Variants in SLC16A7 observed in about 807,000 individuals in gnomAD.
SLC16A7 encodes the protein solute carrier family 16 member 7, also known as monocarboxylate transporter 2.
Under a neutral mutation model 34.9 loss-of-function variants are expected in SLC16A7, and 33 were observed. The ratio of observed to expected loss-of-function variants is 0.94; its 90% confidence interval spans 0.72 to 1.26. The LOEUF is 1.26. SLC16A7 is among the 50% of genes most tolerant of loss of function. The pLI, the probability that SLC16A7 is intolerant of heterozygous loss-of-function variation, is 0.00. For synonymous variants in SLC16A7, 201 were observed against 206.6 expected, an observed-to-expected ratio of 0.97 and a Z score of 0.23; for missense variants, 573 against 578.1, an observed-to-expected ratio of 0.99 and a Z score of 0.09.
chr12:59,596,891 G>C lies in SLC16A7; in HGVS notation c.-130+655G>C, dbSNP rs956321241. 6.6e-6 allele frequency among the ~76,000 whole-genome samples: 1 copy of C among 152,160 alleles called. No homozygotes were observed. The highest frequency in any genetic ancestry group is 2.4e-5 in the African/African-American group (1 of 41,426). On this transcript the variant is annotated intron_variant, in intron 1 of 5. Coordinates refer to ENST00000547379, the MANE Select transcript of SLC16A7 (RefSeq NM_001270623.2). The surrounding 1 kb of genome is among the most constrained non-coding windows in gnomAD (Gnocchi z 5.0). ...TGGAAGCAGATGGAAAACTATATGCGGGCGAGGCCTGAGCCCAGGCAGAAA... is the reference window on the plus strand; with the variant it reads ...TGGAAGCAGATGGAAAACTATATGCCGGCGAGGCCTGAGCCCAGGCAGAAA...
At chr12:59,723,439 G>T (rs1875846328) in intron 3 of SLC16A7, among the ~76,000 whole-genome samples, 1 of 151,910 alleles carries the variant, frequency 6.6e-6, no homozygotes, top group South Asian at 2.1e-4. Flanking sequence ...GGAATAAAGA[G>T]AAGTAAAATT....
intron 1 of SLC16A7, among the ~76,000 whole-genome samples, chr12:59,642,951 C>T (rs1019421711): frequency 1.3e-5 from 2 of 151,996 alleles, no homozygotes; most frequent in African/African-American, 4.8e-5. Context: ...ATTGTAGAGC[C>T]ATAGATTATT....
At chr12:59,711,141 G>A (rs1874180305) in intron 3 of SLC16A7, among the ~76,000 whole-genome samples, 1 of 152,162 alleles carries the variant, frequency 6.6e-6, no homozygotes, top group East Asian at 1.9e-4. Context: ...GCAGGCAGTG[G>A]GTGAATGAGG....
intron 1 of SLC16A7, among the ~76,000 whole-genome samples, chr12:59,599,444 C>G (rs1878580560): frequency 6.6e-6 from 1 of 151,946 alleles, no homozygotes; most frequent in African/African-American, 2.4e-5. Context: ...GCAAAAGGTG[C>G]CCATGAAGTG....
intron 1 of SLC16A7, among the ~76,000 whole-genome samples, chr12:59,644,173 T>TA (rs5798504): frequency 0.31 from 46,895 of 151,814 alleles, 9,318 homozygotes; most frequent in East Asian, 0.66. Context: ...TCAAAATAAA[T>TA]AAAAAAACAA....
intron 1 of SLC16A7, among the ~76,000 whole-genome samples, chr12:59,650,354 A>G (rs1380899895): frequency 6.6e-6 from 1 of 152,180 alleles, no homozygotes; most frequent in Non-Finnish European, 1.5e-5. Flanking sequence ...CCAGACACCT[A>G]TTTATGGCTG....
intron 3 of SLC16A7, among the ~76,000 whole-genome samples, chr12:59,727,696 G>A (rs1876452115): frequency 6.6e-6 from 1 of 152,068 alleles, no homozygotes; most frequent in South Asian, 2.1e-4. Flanking sequence ...TTGCATATTG[G>A]GAATCTTGGA....
chr12:59,751,658 C>T (rs1350849299), intron 3 of SLC16A7, among the ~76,000 whole-genome samples: 1 of 152,242 alleles, frequency 6.6e-6, no homozygotes, highest in Non-Finnish European at 1.5e-5. Flanking sequence ...CCTCTGTAGG[C>T]TCCACCTCTG....
rs772887769 is a variant in SLC16A7 at position 59,779,685 on chromosome 12, A to C, written c.*6A>C. 6.2e-7 allele frequency: 1 copy of C among 1,601,024 alleles called. No homozygotes were observed. The highest frequency in any genetic ancestry group is 2.2e-5 in the East Asian group (1 of 44,716). ...AAAGAGAAACTAACATTTAACAAGAATCACATCTCTGATTTCAGTGTTTAT... is the reference window on the plus strand; with the variant it reads ...AAAGAGAAACTAACATTTAACAAGACTCACATCTCTGATTTCAGTGTTTAT... On this transcript the variant is annotated 3_prime_UTR_variant, in exon 6 of 6. Transcript: ENST00000547379.
At chr12:59,700,600 T>C (rs1272026565) in intron 2 of SLC16A7, among the ~76,000 whole-genome samples, 3 of 150,870 alleles carry the variant, frequency 2.0e-5, no homozygotes, top group Admixed American at 6.6e-5. Flanking sequence ...ATTTAGTTTA[T>C]GTATTACATA....
At chr12:59,678,469 A>T (rs1870484090) in intron 2 of SLC16A7, among the ~76,000 whole-genome samples, 1 of 151,820 alleles carries the variant, frequency 6.6e-6, no homozygotes. Context: ...GAAATGGGTA[A>T]CTCTTCTCTG....
At chr12:59,653,220 T>G (rs986055191) in intron 1 of SLC16A7, among the ~76,000 whole-genome samples, 10 of 151,852 alleles carry the variant, frequency 6.6e-5, no homozygotes, top group African/African-American at 2.2e-4. Flanking sequence ...AGGGAATTTC[T>G]AAAGTCACGT....
intron 3 of SLC16A7, among the ~76,000 whole-genome samples, chr12:59,769,555 AC>A (rs1261696328): frequency 6.6e-6 from 1 of 152,084 alleles, no homozygotes; most frequent in African/African-American, 2.4e-5. Context: ...ATAAATGCAA[AC>A]TTTTGTATTC....
intron 3 of SLC16A7, among the ~76,000 whole-genome samples, chr12:59,755,837 C>T (rs1008681094): frequency 5.3e-5 from 8 of 152,154 alleles, no homozygotes; most frequent in African/African-American, 4.8e-5. Context: ...GGAGGCATCA[C>T]GCTACCTGAC....
At chr12:59,725,647 T>G (rs1332830099) in intron 3 of SLC16A7, among the ~76,000 whole-genome samples, 1 of 152,160 alleles carries the variant, frequency 6.6e-6, no homozygotes, top group Non-Finnish European at 1.5e-5. Context: ...AAGAAAATGT[T>G]GTATAGTGTT....
intron 3 of SLC16A7, among the ~76,000 whole-genome samples, chr12:59,716,662 A>G (rs913386376): frequency 1.3e-5 from 2 of 152,178 alleles, no homozygotes; most frequent in African/African-American, 4.8e-5. Flanking sequence ...AGCCTGGACA[A>G]CATGGTGAAA....
chr12:59,732,184 G>A lies in SLC16A7; in HGVS notation c.217+27166G>A, dbSNP rs544012346. On this transcript the variant is annotated intron_variant, in intron 3 of 5. Coordinates refer to ENST00000547379, the MANE Select transcript of SLC16A7 (RefSeq NM_001270623.2). Reference sequence around the variant, plus strand: ...TGTAATCCCAGCACTTTGGGAGGCCGAGGTGGGCAGATCACCTGAGGTCAG... The same window carrying A: ...TGTAATCCCAGCACTTTGGGAGGCCAAGGTGGGCAGATCACCTGAGGTCAG... 7.9e-5 allele frequency among the ~76,000 whole-genome samples: 12 copies of A among 152,152 alleles called. No individual in the cohort carries two copies. In the East Asian group the frequency reaches 9.7e-4, roughly 12 times the overall value.
At chr12:59,712,214 T>C (rs1441021665) in intron 3 of SLC16A7, among the ~76,000 whole-genome samples, 1 of 152,272 alleles carries the variant, frequency 6.6e-6, no homozygotes, top group Admixed American at 6.5e-5. Context: ...TTCTCCATTA[T>C]GCAGTGAAAC....
At chr12:59,605,285 C>T (rs1464537908) in intron 1 of SLC16A7, among the ~76,000 whole-genome samples, 1 of 152,174 alleles carries the variant, frequency 6.6e-6, no homozygotes, top group Non-Finnish European at 1.5e-5. Flanking sequence ...AAAGTAACAA[C>T]CCCTTGTGGA....
Sources: allele counts gnomAD v4.1 joint callset (sites outside exome capture counted in the v4.1 genomes callset), GRCh38; gene constraint gnomAD v4.1.1; non-coding constraint Gnocchi (gnomAD v3.1); transcripts MANE v1.5; gene names NCBI Gene and HGNC (gene_info 2026-07-23, HGNC 2026-07-21).